The following ANKRD31 variants were observed in gnomAD, a reference collection of about 807,000 sequenced individuals.
ANKRD31 encodes ankyrin repeat domain 31, also known as ankyrin repeat domain-containing protein 31.
A neutral mutation model predicts 186.0 loss-of-function variants in ANKRD31; 147 were observed. The observed-to-expected ratio is 0.79, with a 90% confidence interval of 0.69 to 0.91. The LOEUF is 0.91. ANKRD31 is among the 40% of genes least tolerant of loss of function. The pLI, the probability that ANKRD31 is intolerant of heterozygous loss-of-function variation, is 0.00. For synonymous variants in ANKRD31, 673 were observed against 736.4 expected (o/e 0.91, Z 1.39); for missense variants, 1,986 against 2,148.8 (o/e 0.92, Z 1.50).
intron 11 of ANKRD31, among the ~76,000 whole-genome samples, chr5:75,163,202 A>G (rs1752688201): frequency 6.6e-6 from 1 of 152,170 alleles, no homozygotes; most frequent in Non-Finnish European, 1.5e-5. Context: ...AATGCTTGGG[A>G]CCAGCAGTAT....
At chr5:75,145,842 A>C in intron 14 of ANKRD31, 145 bp downstream of exon 14, 1 of 629,822 alleles carries the variant, frequency 1.6e-6, no homozygotes, top group Non-Finnish European at 2.5e-6. Context: ...CTTAACTACT[A>C]GGTTTAGTGG....
rs149568135 is a variant in ANKRD31, at chr5:75,195,790, T to C, written c.858A>G (p.Pro286=). ...TGTTCAGGGCTTCCAATAACTCAGC[T>C]GGCAATGCATCATCTTTTGCATCTT... ...LLEDAKDDAL[P]AELLEALNTL... is the part of the protein sequence containing the mutation. Residue 286 remains proline, a synonymous_variant, in exon 7 of 26, where the codon CCA becomes CCG. Transcript: ENST00000506364. 2.1e-4 allele frequency: 316 copies of C among 1,537,468 alleles called. 2 individuals carry two copies. In the East Asian group the frequency reaches 6.4e-3, roughly 31 times the overall value.
At chr5:75,198,622 A>G (rs1755622856) in intron 6 of ANKRD31, among the ~76,000 whole-genome samples, 1 of 152,196 alleles carries the variant, frequency 6.6e-6, no homozygotes, top group South Asian at 2.1e-4. Context: ...GGAAATAATG[A>G]TATAGTTAGT....
At chr5:75,077,137 T>C (rs1313589456) in intron 25 of ANKRD31, among the ~76,000 whole-genome samples, 2 of 152,162 alleles carry the variant, frequency 1.3e-5, no homozygotes, top group African/African-American at 4.8e-5. Flanking sequence ...GGCGTGACCA[T>C]AGCTCACTGT....
intron 22 of ANKRD31, among the ~76,000 whole-genome samples, chr5:75,092,565 G>T (rs1745999941): frequency 6.6e-6 from 1 of 152,100 alleles, no homozygotes; most frequent in Non-Finnish European, 1.5e-5. Flanking sequence ...ACTGAAGTGG[G>T]GACTTCACTA....
At chr5:75,149,014 C>T (rs1751678494) in intron 12 of ANKRD31, among the ~76,000 whole-genome samples, 1 of 151,868 alleles carries the variant, frequency 6.6e-6, no homozygotes, top group Non-Finnish European at 1.5e-5. Context: ...AGATTATCAT[C>T]TCCTAATATG....
In ANKRD31 at chr5:75,184,261, A is replaced by T. The variant is rs182545823; in HGVS notation, c.1564+4232T>A. Among the ~76,000 whole-genome samples the T allele has an allele frequency of 2.0e-5, 3 of 152,276 alleles. No homozygotes were observed. In the East Asian group the frequency reaches 5.8e-4, roughly 29 times the overall value. ...TACAAAATTCAACTCAAAGTGGACT[A>T]AAAACTTAAATGTAAATACTGAAAC... On this transcript the variant is annotated intron_variant, in intron 10 of 25. Coordinates refer to ENST00000506364, the MANE Select transcript of ANKRD31 (RefSeq NM_001372053.1).
intron 17 of ANKRD31, among the ~76,000 whole-genome samples, chr5:75,132,153 G>T (rs1316666126): frequency 6.6e-6 from 1 of 152,252 alleles, no homozygotes; most frequent in African/African-American, 2.4e-5. Flanking sequence ...AGCAAAGATG[G>T]ACAGAGAATG....
At chr5:75,233,298 A>C (rs1010611957) in intron 1 of ANKRD31, among the ~76,000 whole-genome samples, 4 of 151,932 alleles carry the variant, frequency 2.6e-5, no homozygotes, top group African/African-American at 9.7e-5. Flanking sequence ...CCTGACCTCA[A>C]GTGATCTGCC....
chr5:75,139,881 T>G (rs1029065860), intron 15 of ANKRD31, among the ~76,000 whole-genome samples: 3 of 152,046 alleles, frequency 2.0e-5, no homozygotes, highest in Admixed American at 2.0e-4. Flanking sequence ...CATAGAAAAG[T>G]TGGGACTCCA....
chr5:75,234,171 T>C (rs897273406), intron 1 of ANKRD31, among the ~76,000 whole-genome samples: 1 of 152,234 alleles, frequency 6.6e-6, no homozygotes, highest in Non-Finnish European at 1.5e-5. Context: ...TGTAAACTTG[T>C]ACAAATTGAT....
chr5:75,236,761 G>A lies in ANKRD31; in HGVS notation c.-75C>T. ...CCCGCAAACAAAAAAACGCTTTGAGGGCCAGGGGAAATTGTGAATTAAAAA... is the reference window on the plus strand; with the variant it reads ...CCCGCAAACAAAAAAACGCTTTGAGAGCCAGGGGAAATTGTGAATTAAAAA... On this transcript the variant is annotated 5_prime_UTR_variant, in exon 1 of 26. Transcript: ENST00000506364. The A allele has an allele frequency of 1.8e-6, 2 of 1,127,546 alleles. No individual in the cohort carries two copies. The highest frequency in any genetic ancestry group is 2.5e-6 in the Non-Finnish European group (2 of 803,178). The allele number at this position is 1,127,546 out of a possible 1,614,324, so 69.8% of individuals were successfully genotyped here. A position where few individuals can be genotyped will look rare whatever the true frequency, so the allele number is the denominator to read the frequency against.
At chr5:75,201,869 A>G (rs374622613) in intron 5 of ANKRD31, among the ~76,000 whole-genome samples, 1 of 152,198 alleles carries the variant, frequency 6.6e-6, no homozygotes, top group Non-Finnish European at 1.5e-5. Context: ...CTTCATCTGC[A>G]TGATAAAACT....
chr5:75,091,308 G>T lies in ANKRD31; in HGVS notation c.5425C>A (p.Leu1809Ile). Residue 1809 changes from leucine to isoleucine, a missense_variant, in exon 23 of 26, where the codon CTT becomes ATT. By Grantham distance (5) the Leu-to-Ile change is conservative. Transcript: ENST00000506364. ...GTCACATAACTGTTGCCTCCCAGAAGATCCTTGAGCCAGGTGACTGGGTTT... is the reference window on the plus strand; with the variant it reads ...GTCACATAACTGTTGCCTCCCAGAATATCCTTGAGCCAGGTGACTGGGTTT... ...YKNPVTWLKD[L>I]LGGNSYVTWN... 6.5e-7 allele frequency: 1 copy of T among 1,537,060 alleles called. No homozygotes were observed. Among genetic ancestry groups the T allele is most frequent in the Non-Finnish European group, 8.7e-7 (1 of 1,146,842 alleles).
intron 11 of ANKRD31, among the ~76,000 whole-genome samples, chr5:75,162,619 G>A (rs1425803026): frequency 1.3e-5 from 2 of 152,032 alleles, no homozygotes; most frequent in Admixed American, 6.6e-5. Flanking sequence ...GGTCAGGGGT[G>A]GAATTACATG....
chr5:75,209,699 T>A (rs1756485953), intron 4 of ANKRD31, among the ~76,000 whole-genome samples: 1 of 152,050 alleles, frequency 6.6e-6, no homozygotes, highest in Non-Finnish European at 1.5e-5. Flanking sequence ...AAATATCACA[T>A]AGCAGTATGC....
intron 17 of ANKRD31, among the ~76,000 whole-genome samples, chr5:75,126,621 A>G (rs1261121406): frequency 6.6e-6 from 1 of 152,176 alleles, no homozygotes; most frequent in Non-Finnish European, 1.5e-5. Context: ...GTGGTCCAAT[A>G]CTTTGTAAAT....
intron 20 of ANKRD31, among the ~76,000 whole-genome samples, chr5:75,110,631 C>T (rs75620199): frequency 6.6e-6 from 1 of 151,204 alleles, no homozygotes; most frequent in East Asian, 2.0e-4. Flanking sequence ...ATGGCTTGAA[C>T]CTGGGAGGCG....
At chr5:75,125,507 C>T (rs1314608199) in intron 17 of ANKRD31, among the ~76,000 whole-genome samples, 1 of 152,054 alleles carries the variant, frequency 6.6e-6, no homozygotes, top group Non-Finnish European at 1.5e-5. Context: ...AAATTTATTT[C>T]AAACATTATA....
Sources: allele counts gnomAD v4.1 joint callset (sites outside exome capture counted in the v4.1 genomes callset), GRCh38; gene constraint gnomAD v4.1.1; transcripts MANE v1.5; gene names NCBI Gene and HGNC (gene_info 2026-07-23, HGNC 2026-07-21).